The following GPR143 variants were observed in gnomAD, a reference collection of about 807,000 sequenced individuals.
GPR143 encodes G protein-coupled receptor 143, also known as G-protein coupled receptor 143.
Under a neutral mutation model 27.6 loss-of-function variants are expected in GPR143, and 8 were observed. The observed-to-expected ratio is 0.29, with a 90% CI of 0.17 to 0.52. The LOEUF (loss-of-function observed/expected upper bound fraction) is 0.52. Ranked by LOEUF, GPR143 falls within the 20% of genes least tolerant of loss-of-function variation. The pLI is 0.96. For missense variants in GPR143, 303 were observed against 343.1 expected, an observed-to-expected ratio of 0.88 and a Z score of 0.92; for synonymous variants, 156 against 153.2, an observed-to-expected ratio of 1.02 and a Z score of -0.13.
intron 8 of GPR143, among the ~76,000 whole-genome samples, chrX:9,731,305 G>C (rs772804606): frequency 9.0e-6 from 1 of 110,982 alleles, no homozygotes; most frequent in East Asian, 2.8e-4. Flanking sequence ...GGAGGCAGAG[G>C]TTGCAGTGAG....
chrX:9,739,683 A>C lies in GPR143; in HGVS notation c.922T>G (p.Leu308Val). ...CATCCTGTCCAGCCGTAGAAGGCCA[A>C]AGACAAGAGAAATCCCTGGGCTGGA... ...LNPAQGFLLS[L>V]AFYGWTGCSL... The change falls in exon 8 of 9, where the codon TTG (leucine) becomes GTG (valine). Residue 308 changes from leucine to valine, a missense_variant. Transcript: ENST00000467482. The C allele has an allele frequency of 8.4e-7, 1 of 1,185,065 alleles. No homozygotes were observed. Among genetic ancestry groups the C allele is most frequent in the East Asian group, 3.0e-5 (1 of 32,836 alleles).
chrX:9,763,411 G>C (rs934523688), intron 1 of GPR143, among the ~76,000 whole-genome samples: 1 of 111,534 alleles, frequency 9.0e-6, no homozygotes, highest in East Asian at 2.8e-4. Context: ...CTAGAAGTTC[G>C]AGGCTGCAGT....
intron 1 of GPR143, among the ~76,000 whole-genome samples, chrX:9,761,527 C>T (rs983849530): frequency 1.8e-5 from 2 of 112,379 alleles, no homozygotes; most frequent in South Asian, 3.6e-4. Flanking sequence ...CTGGATTTCT[C>T]GGCTGCATTT....
chrX:9,777,628 A>G (rs889158957), intron 1 of GPR143, among the ~76,000 whole-genome samples: 1 of 111,409 alleles, frequency 9.0e-6, no homozygotes, highest in African/African-American at 3.3e-5. Context: ...AAAAAAACAA[A>G]AAAAAGAAAA....
chrX:9,730,519 G>A (rs183288826), intron 8 of GPR143, among the ~76,000 whole-genome samples: 2 of 112,023 alleles, frequency 1.8e-5, no homozygotes, highest in African/African-American at 6.5e-5. Context: ...CAGAGCCCAA[G>A]CTGAGACTTC....
chrX:9,768,921 A>T (rs1313290262), upstream of GPR143, among the ~76,000 whole-genome samples: 2 of 110,939 alleles, frequency 1.8e-5, no homozygotes, highest in African/African-American at 6.6e-5. Context: ...CAAGTGATCC[A>T]CCCGCTTTGG....
intron 3 of GPR143, among the ~76,000 whole-genome samples, chrX:9,758,823 G>A (rs1015337302): frequency 1.9e-4 from 21 of 111,242 alleles, no homozygotes; most frequent in African/African-American, 6.9e-4. Context: ...GGGAGGTTGA[G>A]GCTGCAGTGA....
In GPR143 at chrX:9,765,699, CG is replaced by C; in HGVS notation, c.118del (p.Arg40AlafsTer47). 1 of 1,107,175 alleles carries C rather than the reference CG, an allele frequency of 9.0e-7. No individual in the cohort carries two copies. The highest frequency in any genetic ancestry group is 1.2e-6 in the Non-Finnish European group (1 of 848,803). The allele number at this position is 1,107,175 out of a possible 1,213,427, so 91.2% of individuals were successfully genotyped here. A position where few individuals can be genotyped will look rare whatever the true frequency, so the allele number is the denominator to read the frequency against. ...HALCLGSGGL[R>X]LALGLLQLLP... is the part of the protein sequence containing the mutation. ...CAGCTGCAGAAGGCCCAGCGCCAAG[CG>C]GAGCCCGCCGCTGCCCAGGCAGAGC... On this transcript the variant is annotated frameshift_variant, in exon 1 of 9. Transcript: ENST00000467482. LOFTEE classifies it high-confidence loss of function.
chrX:9,773,889 A>T (rs965081171), intron 1 of GPR143, among the ~76,000 whole-genome samples: 1 of 111,713 alleles, frequency 9.0e-6, no homozygotes, highest in Non-Finnish European at 1.9e-5. Context: ...GAATTTTAGA[A>T]AAATTACATA....
At position 9,726,052 on chromosome X, in the gene GPR143, T is replaced by G. The variant is rs911130450; in HGVS notation, c.1121-212A>C. 15 of 656,784 alleles carry G rather than the reference T, an allele frequency of 2.3e-5. No individual in the cohort carries two copies. The Admixed American group carries it at 2.8e-4, about 12-fold the overall frequency. 54.1% of individuals were successfully genotyped at this position (656,784 alleles called of 1,213,427 possible). Reference sequence around the variant, plus strand: ...CATCAACTTTCCATCTACATTTTATTAAATCATTACAACGGATGACACAAG... The same window carrying G: ...CATCAACTTTCCATCTACATTTTATGAAATCATTACAACGGATGACACAAG... On this transcript the variant is annotated intron_variant, in intron 8 of 8. Coordinates refer to ENST00000467482, the MANE Select transcript of GPR143 (RefSeq NM_000273.3).
At chrX:9,747,638 C>T (rs1053160068) in intron 4 of GPR143, among the ~76,000 whole-genome samples, 1 of 111,534 alleles carries the variant, frequency 9.0e-6, no homozygotes, top group Non-Finnish European at 1.9e-5. Context: ...ACTGAGTAGC[C>T]GCAAGAAGCA....
intron 8 of GPR143, among the ~76,000 whole-genome samples, chrX:9,736,770 T>C (rs1343276124): frequency 3.5e-5 from 4 of 112,739 alleles, no homozygotes; most frequent in African/African-American, 1.3e-4. Flanking sequence ...GTATTTCTCA[T>C]TTTTCTCAAA....
chrX:9,760,335 A>G (rs1023315988), intron 2 of GPR143, among the ~76,000 whole-genome samples: 21 of 111,728 alleles, frequency 1.9e-4, no homozygotes, highest in African/African-American at 6.5e-4. Flanking sequence ...CAAGTGATCC[A>G]CCTGCCTTGG....
chrX:9,758,710 C>A (rs2083482873), intron 3 of GPR143, among the ~76,000 whole-genome samples: 1 of 111,317 alleles, frequency 9.0e-6, no homozygotes. Flanking sequence ...CATAGCAAGA[C>A]CCCATCTCTA....
intron 3 of GPR143, among the ~76,000 whole-genome samples, chrX:9,750,674 C>T (rs1468851058): frequency 9.0e-6 from 1 of 111,544 alleles, no homozygotes; most frequent in Non-Finnish European, 1.9e-5. Flanking sequence ...AGCAATTCTC[C>T]TGCCTCAGCC....
chrX:9,730,550 G>T (rs187872205), intron 8 of GPR143, among the ~76,000 whole-genome samples: 1 of 111,954 alleles, frequency 8.9e-6, no homozygotes, highest in East Asian at 2.8e-4. Flanking sequence ...GGTGGGTTTT[G>T]CAGAGGAGTG....
At chrX:9,766,097 A>G, upstream of GPR143, 1 of 220,196 alleles carries the variant, frequency 4.5e-6, no homozygotes, top group Non-Finnish European at 8.3e-6. Flanking sequence ...TGGAAGGAGA[A>G]GCAGAAAGGT....
At position 9,743,596 on chromosome X, in the gene GPR143, A is replaced by G; in HGVS notation, c.736T>C (p.Phe246Leu). ...RRMGAVIKIR[F>L]FKIMLVLIIC... ...ATTAAAACCAGCATGATTTTGAAAA[A>G]TCGGATCTTGATCACGGCTCCCATC... Residue 246 changes from phenylalanine (F) to leucine (L), a missense_variant, in exon 6 of 9, where the codon TTT becomes CTT. By Grantham distance (22) the Phe-to-Leu change is conservative. Coordinates refer to ENST00000467482, the MANE Select transcript of GPR143 (RefSeq NM_000273.3). The G allele has an allele frequency of 8.4e-7, 1 of 1,187,095 alleles. No individual in the cohort carries two copies. The highest frequency in any genetic ancestry group is 1.1e-6 in the Non-Finnish European group (1 of 872,832).
chrX:9,768,414 T>C (rs753820619), upstream of GPR143, among the ~76,000 whole-genome samples: 98 of 111,301 alleles, frequency 8.8e-4, no homozygotes, highest in Non-Finnish European at 1.7e-3. Flanking sequence ...TTGCAGCTCA[T>C]TGTTGTTAAA....
Sources: allele counts gnomAD v4.1 joint callset (sites outside exome capture counted in the v4.1 genomes callset), GRCh38; gene constraint gnomAD v4.1.1; transcripts MANE v1.5; gene names NCBI Gene and HGNC (gene_info 2026-07-23, HGNC 2026-07-21).